The following HCRTR2 variants were observed in gnomAD, a reference collection of about 807,000 sequenced individuals.
The protein encoded by HCRTR2 is hypocretin receptor 2.
In HCRTR2, 22 loss-of-function variants were observed where a neutral mutation model predicts 49.0. The observed-to-expected ratio is 0.45, with a 90% CI of 0.32 to 0.64. The LOEUF (loss-of-function observed/expected upper bound fraction) is 0.64, where lower values mean the gene tolerates loss of function less well. HCRTR2 is among the 30% of genes least tolerant of loss of function. The probability of loss-of-function intolerance (pLI) is 0.04; values close to 1 mark genes in which losing one functional copy is unlikely to be tolerated. For synonymous variants in HCRTR2, 236 were observed against 205.3 expected (o/e 1.15, Z -1.28); for missense variants, 491 against 559.4 (o/e 0.88, Z 1.23).
intron 1 of HCRTR2, among the ~76,000 whole-genome samples, chr6:55,142,990 T>TGATAGATAGATAGATA (rs61535568): frequency 7.2e-6 from 1 of 139,368 alleles, no homozygotes; most frequent in African/African-American, 2.5e-5. Context: ...AGATGATAGA[T>TGATAGATAGATAGATA]GATAGATAGA....
intron 1 of HCRTR2, among the ~76,000 whole-genome samples, chr6:55,214,017 A>G (rs1765742713): frequency 6.6e-6 from 1 of 152,060 alleles, no homozygotes; most frequent in Non-Finnish European, 1.5e-5. Flanking sequence ...CACCAATCTC[A>G]GAGTGCAGAT....
At chr6:55,183,466 C>T (rs1765166983) in intron 1 of HCRTR2, among the ~76,000 whole-genome samples, 1 of 152,136 alleles carries the variant, frequency 6.6e-6, no homozygotes, top group African/African-American at 2.4e-5. Context: ...GAGGCTGAAG[C>T]AGTAAATAAG....
intron 1 of HCRTR2, among the ~76,000 whole-genome samples, chr6:55,118,415 C>G (rs951168272): frequency 5.3e-5 from 8 of 151,878 alleles, no homozygotes; most frequent in Non-Finnish European, 1.0e-4. Context: ...GGTACATACT[C>G]AGTAATGAGA....
rs756105173 is a variant in HCRTR2, at chr6:55,174,633, T to C, written c.46T>C (p.Ser16Pro). ...GGACTCCCCCCCTTGTCGCAACTGG[T>C]CATCTGCTTCGGAGCTGAATGAAAC... ...LEDSPPCRNW[S>P]SASELNETQE... is the part of the protein sequence containing the mutation. The change falls in exon 1 of 7, where the codon TCA becomes CCA. Residue 16 changes from serine (S) to proline (P), a missense_variant. By Grantham distance (74) the Ser-to-Pro change is moderately conservative. Transcript: ENST00000370862. 1.9e-6 allele frequency: 3 copies of C among 1,613,988 alleles called. No homozygotes were observed. The highest frequency in any genetic ancestry group is 3.3e-5 in the Admixed American group (2 of 60,002).
intron 1 of HCRTR2, among the ~76,000 whole-genome samples, chr6:55,220,955 C>T (rs1581837888): frequency 6.6e-6 from 1 of 152,064 alleles, no homozygotes; most frequent in East Asian, 1.9e-4. Context: ...ACAATATTAT[C>T]AAAAATGACT....
intron 1 of HCRTR2, among the ~76,000 whole-genome samples, chr6:55,145,399 T>TTTTTG (rs201322218): frequency 0.042 from 4,338 of 102,572 alleles, 211 homozygotes; most frequent in African/African-American, 0.13. Context: ...CTTTGTTTTT[T>TTTTTG]TTTTTGTTTT....
At chr6:55,121,187 C>A (rs1429725639) in intron 1 of HCRTR2, among the ~76,000 whole-genome samples, 1 of 152,108 alleles carries the variant, frequency 6.6e-6, no homozygotes, top group African/African-American at 2.4e-5. Context: ...AGAGGTCCTT[C>A]ACATCCCTTG....
intron 1 of HCRTR2, among the ~76,000 whole-genome samples, chr6:55,142,410 G>C (rs1326458745): frequency 6.8e-6 from 1 of 147,180 alleles, no homozygotes; most frequent in African/African-American, 2.5e-5. Context: ...GGATTTCAAC[G>C]TGTTAGCCAG....
upstream of HCRTR2, chr6:55,174,205 C>A: frequency 7.1e-6 from 1 of 141,018 alleles, no homozygotes. Context: ...TTTTTTTTTT[C>A]TTCAGCTTCA....
intron 1 of HCRTR2, 33 bp downstream of exon 1, chr6:55,174,843 C>A: frequency 6.4e-7 from 1 of 1,553,792 alleles, no homozygotes; most frequent in Non-Finnish European, 8.9e-7. Flanking sequence ...CTCCTAGGGG[C>A]TATCACCCCC....
chr6:55,218,239 G>A (rs1765826167), intron 1 of HCRTR2, among the ~76,000 whole-genome samples: 3 of 152,100 alleles, frequency 2.0e-5, no homozygotes, highest in Admixed American at 2.0e-4. Context: ...CTGTTACATT[G>A]GGGATGAAGT....
intron 1 of HCRTR2, among the ~76,000 whole-genome samples, chr6:55,228,045 G>T (rs915587956): frequency 3.9e-5 from 6 of 152,054 alleles, no homozygotes; most frequent in African/African-American, 1.4e-4. Flanking sequence ...CAGTGAGGGA[G>T]GAGTCAATTA....
At chr6:55,217,599 C>G (rs1765811766) in intron 1 of HCRTR2, among the ~76,000 whole-genome samples, 3 of 152,162 alleles carry the variant, frequency 2.0e-5, no homozygotes, top group Admixed American at 1.3e-4. Flanking sequence ...GACCTTTATT[C>G]CAGGTTCTGA....
chr6:55,108,593 T>A (rs1200232458), intron 1 of HCRTR2, among the ~76,000 whole-genome samples: 3 of 151,586 alleles, frequency 2.0e-5, no homozygotes, highest in Non-Finnish European at 2.9e-5. Context: ...TGAAATGAAT[T>A]TAGAGAGCTG....
intron 1 of HCRTR2, among the ~76,000 whole-genome samples, chr6:55,236,079 A>G (rs1472794716): frequency 9.2e-5 from 14 of 152,062 alleles, no homozygotes; most frequent in Admixed American, 9.2e-4. Flanking sequence ...TTGAATCCAT[A>G]TATCAATTTT....
At chr6:55,222,387 CA>C (rs1765916140) in intron 1 of HCRTR2, among the ~76,000 whole-genome samples, 1 of 151,440 alleles carries the variant, frequency 6.6e-6, no homozygotes, top group Admixed American at 6.6e-5. Context: ...GGAAGTTCCT[CA>C]AAAAAATTAA....
intron 1 of HCRTR2, among the ~76,000 whole-genome samples, chr6:55,128,655 C>T (rs1196702918): frequency 6.6e-6 from 1 of 152,144 alleles, no homozygotes; most frequent in East Asian, 1.9e-4. Flanking sequence ...AGCAGTATTC[C>T]TAAATATTTT....
At chr6:55,258,263 G>A (rs947436616) in intron 3 of HCRTR2, among the ~76,000 whole-genome samples, 9 of 151,922 alleles carry the variant, frequency 5.9e-5, no homozygotes, top group Non-Finnish European at 7.4e-5. Context: ...TTTATTCTAA[G>A]TTAAATCAAT....
intron 2 of HCRTR2, among the ~76,000 whole-genome samples, chr6:55,250,390 T>C (rs149161169): frequency 4.8e-4 from 73 of 152,272 alleles, no homozygotes; most frequent in Admixed American, 2.0e-3. Context: ...TCATTATCTC[T>C]GTGGTACTTC....
Sources: gnomAD v4.1 joint callset for allele counts (sites outside exome capture counted in the v4.1 genomes callset) on GRCh38, gnomAD v4.1.1 for gene constraint, MANE v1.5 for transcripts, NCBI Gene and HGNC (gene_info 2026-07-23, HGNC 2026-07-21) for gene names.